AGMO: variants seen among roughly 807,000 people sequenced by gnomAD.
AGMO encodes alkylglycerol monooxygenase.
Under a neutral mutation model 60.2 loss-of-function variants are expected in AGMO, and 75 were observed. That is an observed-to-expected ratio of 1.25 (90% CI 1.03 to 1.51). The LOEUF (loss-of-function observed/expected upper bound fraction) is 1.51. Among genes scored for constraint, AGMO ranks in the 40% most tolerant of loss-of-function variants. The probability of loss-of-function intolerance (pLI) is 0.00; values close to 1 mark genes in which losing one functional copy is unlikely to be tolerated. For synonymous variants in AGMO, 261 were observed against 177.1 expected (o/e 1.47, Z -3.76); for missense variants, 763 against 525.5 (o/e 1.45, Z -4.42).
At chr7:15,255,195 T>C (rs560153641) in intron 12 of AGMO, among the ~76,000 whole-genome samples, 6 of 151,982 alleles carry the variant, frequency 3.9e-5, no homozygotes, top group South Asian at 2.1e-4. Context: ...ACATCACACA[T>C]TGGAGCCTGT....
the AGMO span, among the ~76,000 whole-genome samples, chr7:15,151,656 C>T: frequency 6.6e-6 from 1 of 151,832 alleles, no homozygotes; most frequent in African/African-American, 2.4e-5. Context: ...TTCATTGTGT[C>T]GTGATGTGAG....
intron 2 of AGMO, among the ~76,000 whole-genome samples, chr7:15,559,616 T>C (rs913238196): frequency 1.3e-5 from 2 of 152,134 alleles, no homozygotes; most frequent in African/African-American, 4.8e-5. Flanking sequence ...CAATGTTCTC[T>C]ATAGTTCAAG....
At chr7:15,320,800 C>A (rs1781085533) in intron 12 of AGMO, among the ~76,000 whole-genome samples, 1 of 152,076 alleles carries the variant, frequency 6.6e-6, no homozygotes, top group Non-Finnish European at 1.5e-5. Flanking sequence ...CTATTATTTT[C>A]TTTCTAAACA....
At chr7:15,242,313 G>C (rs1043496545) in intron 12 of AGMO, among the ~76,000 whole-genome samples, 3 of 152,132 alleles carry the variant, frequency 2.0e-5, no homozygotes, top group Admixed American at 6.5e-5. Context: ...AGATCATCTA[G>C]TTAATGGATG....
chr7:15,247,470 A>AGAGAGAGAGG (rs540254386), intron 12 of AGMO, among the ~76,000 whole-genome samples: 44 of 149,914 alleles, frequency 2.9e-4, no homozygotes, highest in African/African-American at 1.0e-3. Flanking sequence ...AGAGAGAGAG[A>AGAGAGAGAGG]GAGAGAGAGG....
At chr7:15,401,362 G>C (rs1784548131) in intron 5 of AGMO, among the ~76,000 whole-genome samples, 1 of 151,994 alleles carries the variant, frequency 6.6e-6, no homozygotes, top group South Asian at 2.1e-4. Context: ...TTGTGGCTTG[G>C]TTAAAAGTAG....
chr7:15,299,846 C>T (rs956078510), intron 12 of AGMO, among the ~76,000 whole-genome samples: 13 of 130,450 alleles, frequency 1.0e-4, no homozygotes, highest in African/African-American at 4.3e-4. Flanking sequence ...CACACACACA[C>T]ACACACACAC....
At chr7:15,266,418 A>G (rs1783434110) in intron 12 of AGMO, among the ~76,000 whole-genome samples, 1 of 152,064 alleles carries the variant, frequency 6.6e-6, no homozygotes, top group Admixed American at 6.6e-5. Context: ...AAGTAATTTT[A>G]ACAACTTCAA....
At chr7:15,198,249 GAGAGAGAC>G (rs1244145302), downstream of AGMO, among the ~76,000 whole-genome samples, 1,398 of 78,390 alleles carry the variant, frequency 0.018, 69 homozygotes, top group African/African-American at 0.05. Flanking sequence ...GAGAGAGAGA[GAGAGAGAC>G]AGAGACAGAG....
the AGMO span, among the ~76,000 whole-genome samples, chr7:15,141,620 A>G: frequency 1.3e-5 from 2 of 152,006 alleles, no homozygotes; most frequent in African/African-American, 4.8e-5. Context: ...CAAAAAAACT[A>G]TGTGTTATGC....
At chr7:15,315,827 A>G (rs1240791166) in intron 12 of AGMO, among the ~76,000 whole-genome samples, 5 of 152,150 alleles carry the variant, frequency 3.3e-5, no homozygotes, top group Non-Finnish European at 1.5e-5. Flanking sequence ...ATTCACAAAG[A>G]GAAAAAAACA....
At chr7:15,247,244 A>T (rs981006847) in intron 12 of AGMO, among the ~76,000 whole-genome samples, 2 of 152,172 alleles carry the variant, frequency 1.3e-5, no homozygotes, top group African/African-American at 4.8e-5. Context: ...ATTTAAAAAA[A>T]TGCAAATAAT....
At chr7:15,207,838 A>G (rs112455349) in intron 12 of AGMO, among the ~76,000 whole-genome samples, 25,473 of 152,164 alleles carry the variant, frequency 0.17, 2,621 homozygotes, top group African/African-American at 0.28. Flanking sequence ...GGAAGCTGAG[A>G]CAGGAGATTG....
At chr7:15,123,057 T>G in the AGMO span, among the ~76,000 whole-genome samples, 8 of 152,008 alleles carry the variant, frequency 5.3e-5, no homozygotes, top group African/African-American at 1.7e-4. Flanking sequence ...CTCCTTACCG[T>G]TTTTAGAGCA....
the AGMO span, among the ~76,000 whole-genome samples, chr7:15,192,004 CACAG>C: frequency 5.4e-5 from 8 of 148,046 alleles, no homozygotes; most frequent in African/African-American, 1.8e-4. Flanking sequence ...CACACACACA[CACAG>C]AGAACTATTC....
intron 12 of AGMO, among the ~76,000 whole-genome samples, chr7:15,305,057 G>T (rs1308633750): frequency 6.6e-6 from 1 of 151,704 alleles, no homozygotes; most frequent in South Asian, 2.1e-4. Flanking sequence ...AGTTATATTT[G>T]AAATATATAA....
At chr7:15,338,287 GAAGAA>G (rs1242110751) in intron 12 of AGMO, among the ~76,000 whole-genome samples, 2 of 152,020 alleles carry the variant, frequency 1.3e-5, no homozygotes, top group East Asian at 1.9e-4. Flanking sequence ...ATCACCTGGA[GAAGAA>G]AAGGTGAATT....
In AGMO at chr7:15,256,797, G is replaced by A. The variant is rs749970154; in HGVS notation, c.1264-55438C>T. 3.3e-5 allele frequency among the ~76,000 whole-genome samples: 5 copies of A among 152,104 alleles called. No individual in the cohort carries two copies. In the East Asian group the frequency reaches 9.6e-4, roughly 29 times the overall value. ...AAACCATATAGCCAGGTGTGTAGTA[G>A]GCTATTCCACCTAGGTTTGTGTAAG... On this transcript the variant is annotated intron_variant, in intron 12 of 12. Coordinates refer to ENST00000342526, the MANE Select transcript of AGMO (RefSeq NM_001004320.2).
chr7:15,212,669 C>G (rs150343245), intron 12 of AGMO, among the ~76,000 whole-genome samples: 2 of 151,846 alleles, frequency 1.3e-5, no homozygotes, highest in African/African-American at 4.8e-5. Flanking sequence ...CAAGGGTAAG[C>G]GATGAATCAT....
Sources: allele counts gnomAD v4.1 joint callset (sites outside exome capture counted in the v4.1 genomes callset), GRCh38; gene constraint gnomAD v4.1.1; transcripts MANE v1.5; gene names NCBI Gene and HGNC (gene_info 2026-07-23, HGNC 2026-07-21).